CORO2B: variants seen among roughly 807,000 people sequenced by gnomAD.
CORO2B encodes coronin-2B.
In CORO2B, 26 loss-of-function variants were observed where a neutral mutation model predicts 58.8. That is an observed-to-expected ratio of 0.44 (90% CI 0.32 to 0.61). CORO2B has a LOEUF of 0.61. CORO2B is among the 20% of genes least tolerant of loss of function. The pLI, the probability that CORO2B is intolerant of heterozygous loss-of-function variation, is 0.04. For missense variants in CORO2B, 460 were observed against 645.1 expected, an observed-to-expected ratio of 0.71 and a Z score of 3.11; for synonymous variants, 242 against 253.8, an observed-to-expected ratio of 0.95 and a Z score of 0.44.
chr15:68,562,772 C>T, the CORO2B span, among the ~76,000 whole-genome samples: 111 of 151,514 alleles, frequency 7.3e-4, 1 homozygote, highest in African/African-American at 2.5e-3. Context: ...GTCAGGAGAT[C>T]GAAACCATCC....
chr15:68,700,067 G>T (rs1892603948), intron 3 of CORO2B, among the ~76,000 whole-genome samples: 1 of 152,184 alleles, frequency 6.6e-6, no homozygotes, highest in African/African-American at 2.4e-5. Context: ...GGTCAGCACT[G>T]CTGCCAGGGC....
intron 1 of CORO2B, among the ~76,000 whole-genome samples, chr15:68,628,800 C>T (rs1900750769): frequency 6.6e-6 from 1 of 152,210 alleles, no homozygotes; most frequent in Non-Finnish European, 1.5e-5. Context: ...TGGACTCACC[C>T]AGCCTCTCCA....
rs1032045645 is a variant in CORO2B at position 68,616,444 on chromosome 15, G to T, written c.16-28716G>T. On this transcript the variant is annotated intron_variant, in intron 1 of 11. Transcript: ENST00000261861. Reference sequence around the variant, plus strand: ...ACAGAAGGGGAAGGTCTTGCTCAAGGTCACCCAGCCCCCACCAAGGTCTCT... The same window carrying T: ...ACAGAAGGGGAAGGTCTTGCTCAAGTTCACCCAGCCCCCACCAAGGTCTCT... 8.8e-6 allele frequency: 5 copies of T among 568,004 alleles called. No homozygotes were observed. In the African/African-American group the frequency reaches 1.0e-4, roughly 12 times the overall value. 35.2% of individuals were successfully genotyped at this position (568,004 alleles called of 1,614,324 possible). A position where few individuals can be genotyped will look rare whatever the true frequency, so the allele number is the denominator to read the frequency against.
At chr15:68,715,508 G>C (rs1893011667) in intron 8 of CORO2B, among the ~76,000 whole-genome samples, 197 bp downstream of exon 8, 3 of 152,230 alleles carry the variant, frequency 2.0e-5, no homozygotes. Context: ...ACCCCACTGT[G>C]CTCACATCCA....
chr15:68,563,514 A>G, the CORO2B span, among the ~76,000 whole-genome samples: 1 of 151,838 alleles, frequency 6.6e-6, no homozygotes, highest in African/African-American at 2.4e-5. Flanking sequence ...AGAAAAGAAA[A>G]AGAAAAAAAG....
chr15:68,653,879 G>A (rs947389103), intron 2 of CORO2B, among the ~76,000 whole-genome samples: 1 of 149,676 alleles, frequency 6.7e-6, no homozygotes, highest in Admixed American at 6.6e-5. Flanking sequence ...AAAAATGCCT[G>A]AATCTTCATC....
intron 2 of CORO2B, among the ~76,000 whole-genome samples, chr15:68,677,898 C>T (rs548756612): frequency 6.6e-6 from 1 of 152,322 alleles, no homozygotes; most frequent in East Asian, 1.9e-4. Context: ...GTTCAGCCAG[C>T]CACAGGCTCT....
At chr15:68,707,000 G>A (rs189775388) in intron 3 of CORO2B, among the ~76,000 whole-genome samples, 12 of 152,112 alleles carry the variant, frequency 7.9e-5, no homozygotes, top group East Asian at 1.9e-4. Flanking sequence ...TCACTCTGTC[G>A]CCCAGGCTGG....
At chr15:68,639,154 G>A (rs1453202052) in intron 1 of CORO2B, among the ~76,000 whole-genome samples, 2 of 152,180 alleles carry the variant, frequency 1.3e-5, no homozygotes, top group Non-Finnish European at 2.9e-5. Context: ...CACAGCCTTG[G>A]GGTGAGGTTC....
intron 1 of CORO2B, among the ~76,000 whole-genome samples, chr15:68,585,637 C>A (rs1219096247): frequency 6.6e-6 from 1 of 152,150 alleles, no homozygotes; most frequent in Non-Finnish European, 1.5e-5. Flanking sequence ...TGCTTCCACT[C>A]CCCACCAACC....
intron 1 of CORO2B, among the ~76,000 whole-genome samples, chr15:68,620,356 A>G (rs549512923): frequency 5.9e-4 from 90 of 152,282 alleles, no homozygotes; most frequent in Non-Finnish European, 9.3e-4. Context: ...AAATTTTTAA[A>G]TAAACATGGT....
chr15:68,572,600 GC>G, the CORO2B span, among the ~76,000 whole-genome samples: 1 of 152,104 alleles, frequency 6.6e-6, no homozygotes, highest in Non-Finnish European at 1.5e-5. Flanking sequence ...CCTCCTTGCT[GC>G]TCACCACCCC....
At chr15:68,548,912 A>C in the CORO2B span, among the ~76,000 whole-genome samples, 1 of 152,084 alleles carries the variant, frequency 6.6e-6, no homozygotes, top group East Asian at 1.9e-4. Flanking sequence ...GATTGACAGG[A>C]GTTCTTTATA....
chr15:68,710,824 G>A lies in CORO2B; in HGVS notation c.426G>A (p.Leu142=). ...ACGGGCACAGCCGGCGTGTGGGGCTGGTCGAGTGGCACCCCACCACCAACA... is the reference window on the plus strand; with the variant it reads ...ACGGGCACAGCCGGCGTGTGGGGCTAGTCGAGTGGCACCCCACCACCAACA... ...ELHGHSRRVG[L]VEWHPTTNNI... Residue 142 remains leucine (L), a synonymous_variant, in exon 4 of 12, where the codon CTG becomes CTA. Transcript: ENST00000261861. This position sits in a 1 kb window ranked among gnomAD's most constrained non-coding sequence, Gnocchi z 4.1. 1 of 1,611,576 alleles carries A rather than the reference G, an allele frequency of 6.2e-7. No homozygotes were observed. Among genetic ancestry groups the A allele is most frequent in the Non-Finnish European group, 8.5e-7 (1 of 1,179,098 alleles).
chr15:68,718,991 G>A (rs1001214371), intron 9 of CORO2B, among the ~76,000 whole-genome samples, 153 bp from the exon 10 acceptor site: 8 of 152,224 alleles, frequency 5.3e-5, no homozygotes, highest in African/African-American at 1.7e-4. Context: ...CATGAGTGCA[G>A]TCAGGTAGTT....
chr15:68,658,826 C>T (rs989411634), intron 2 of CORO2B, among the ~76,000 whole-genome samples: 18 of 152,182 alleles, frequency 1.2e-4, no homozygotes, highest in Admixed American at 9.8e-4. Context: ...GAACTGCTCC[C>T]GCTGATCAGA....
chr15:68,581,523 C>A (rs1899424644), intron 1 of CORO2B, among the ~76,000 whole-genome samples: 1 of 152,204 alleles, frequency 6.6e-6, no homozygotes, highest in African/African-American at 2.4e-5. Context: ...TAGCCACCAA[C>A]AGGCTGTGTG....
At chr15:68,652,063 G>A (rs563831155) in intron 2 of CORO2B, among the ~76,000 whole-genome samples, 20 of 152,266 alleles carry the variant, frequency 1.3e-4, no homozygotes, top group African/African-American at 4.8e-4. Context: ...AAGCTGAGAC[G>A]GCACAGCCGG....
At chr15:68,701,478 A>AT (rs71145193) in intron 3 of CORO2B, among the ~76,000 whole-genome samples, 1,716 of 38,730 alleles carry the variant, frequency 0.044, 229 homozygotes, top group African/African-American at 0.11. Context: ...CGCCCGGCTA[A>AT]TTTTTTTTTT....
Sources: allele counts gnomAD v4.1 joint callset (sites outside exome capture counted in the v4.1 genomes callset), GRCh38; gene constraint gnomAD v4.1.1; non-coding constraint Gnocchi (gnomAD v3.1); transcripts MANE v1.5; gene names NCBI Gene and HGNC (gene_info 2026-07-23, HGNC 2026-07-21).